FMOD: variants seen among roughly 807,000 people sequenced by gnomAD.
The protein encoded by FMOD is fibromodulin, also known as KSPG fibromodulin.
FMOD carries 15 observed loss-of-function variants against 27.0 expected under a neutral mutation model. That is an observed-to-expected ratio of 0.55 (90% CI 0.37 to 0.85). The LOEUF is 0.85. FMOD is among the 40% of genes least tolerant of loss of function. The pLI, the probability that FMOD is intolerant of heterozygous loss-of-function variation, is 0.00. For synonymous variants in FMOD, 210 were observed against 214.0 expected (o/e 0.98, Z 0.16); for missense variants, 460 against 483.2 (o/e 0.95, Z 0.45).
At position 203,347,604 on chromosome 1, in the gene FMOD, G is replaced by A. The variant is rs763944124; in HGVS notation, c.667C>T (p.Arg223Trp). The A allele has an allele frequency of 9.9e-6, 16 of 1,614,048 alleles. No homozygotes were observed. Among genetic ancestry groups the A allele is most frequent in the African/African-American group, 5.3e-5 (4 of 74,916 alleles). The change falls in exon 2 of 3, where the codon CGG becomes TGG. Residue 223 changes from arginine (R) to tryptophan (W), a missense_variant. Arg to Trp is a moderately radical substitution (Grantham distance 101). Transcript: ENST00000354955. Reference protein sequence around the residue: ...QEVGSSMRGLRSLILLDLSYN... With the variant: ...QEVGSSMRGLWSLILLDLSYN... ...CTCAGGTCCAGCAAGATCAGTGACCGGAGGCCCCTCATGGAACTGCCCACT... is the reference window on the plus strand; with the variant it reads ...CTCAGGTCCAGCAAGATCAGTGACCAGAGGCCCCTCATGGAACTGCCCACT...
intron 2 of FMOD, among the ~76,000 whole-genome samples, chr1:203,344,818 T>A (rs1658858752): frequency 6.6e-6 from 1 of 152,196 alleles, no homozygotes; most frequent in Non-Finnish European, 1.5e-5. Context: ...GCTAGTGGTC[T>A]GCATCAGAGA....
chr1:203,348,084 A>G lies in FMOD; in HGVS notation c.187T>C (p.Tyr63His). 5.0e-6 allele frequency: 8 copies of G among 1,614,088 alleles called. No homozygotes were observed. The highest frequency in any genetic ancestry group is 5.9e-6 in the Non-Finnish European group (7 of 1,179,988). ...GGAGGGGATGGAGAGCCGTAGGTGT[A>G]GGCTGGCCCTTCATCCACCCCATAG... ...YPYGVDEGPA[Y>H]TYGSPSPPDP... The change falls in exon 2 of 3, where the codon TAC (tyrosine) becomes CAC (histidine). Residue 63 changes from tyrosine to histidine, a missense_variant. Physicochemically the swap from Tyr to His is moderately conservative, Grantham distance 83. Transcript: ENST00000354955.
At chr1:203,342,956 T>C (rs1228836398) in intron 2 of FMOD, among the ~76,000 whole-genome samples, 1 of 152,098 alleles carries the variant, frequency 6.6e-6, no homozygotes, top group Non-Finnish European at 1.5e-5. Context: ...GACTTAATAC[T>C]TTACAGATAG....
At position 203,347,810 on chromosome 1, in the gene FMOD, A is replaced by C. The variant is rs766605045; in HGVS notation, c.461T>G (p.Leu154Arg). 7.4e-6 allele frequency: 12 copies of C among 1,613,800 alleles called. No homozygotes were observed. The Admixed American group carries it at 1.7e-4, about 22-fold the overall frequency. ...DKVGRKVFSKLRHLERLYLDH... is the reference protein window; with the variant it reads ...DKVGRKVFSKRRHLERLYLDH... ...CAGGTACAGCCTCTCCAGGTGCCTC[A>C]GCTTGGAGAAGACCTTCCTGCCCAC... Residue 154 changes from leucine (L) to arginine (R), a missense_variant, in exon 2 of 3, where the codon CTG (leucine) becomes CGG (arginine). Transcript: ENST00000354955.
chr1:203,342,562 A>G (rs1658814325), intron 2 of FMOD, 68 bp from the exon 3 acceptor site: 12 of 1,515,536 alleles, frequency 7.9e-6, no homozygotes, highest in Admixed American at 3.7e-5. Flanking sequence ...CCACAGTGAG[A>G]TTAGCCTTTG....
At chr1:203,349,602 A>C (rs937996983) in intron 1 of FMOD, among the ~76,000 whole-genome samples, 9 of 152,050 alleles carry the variant, frequency 5.9e-5, no homozygotes, top group African/African-American at 1.7e-4. Context: ...AAACCTTAGA[A>C]TCTTTCTTGG....
rs775467919 is a variant in FMOD at position 203,347,722 on chromosome 1, G to C, written c.549C>G (p.Leu183=). The C allele has an allele frequency of 1.2e-6, 2 of 1,613,844 alleles. No individual in the cohort carries two copies. Among genetic ancestry groups the C allele is most frequent in the Admixed American group, 1.7e-5 (1 of 59,994 alleles). ...PLPRSLRELH[L]DHNQISRVPN... The stretch of plus-strand genomic sequence containing the variant: ...GGACCCGTGAGATCTGGTTGTGGTC[G>C]AGATGGAGCTCTCTCAGGGATCGAG... The change falls in exon 2 of 3, where the codon CTC becomes CTG. Residue 183 remains leucine (L), a synonymous_variant. Transcript: ENST00000354955.
At chr1:203,348,414 T>C (rs1180606686) in intron 1 of FMOD, 137 bp from the exon 2 acceptor site, 4 of 903,164 alleles carry the variant, frequency 4.4e-6, no homozygotes, top group Non-Finnish European at 6.6e-6. Context: ...GCAGGAGCCT[T>C]GCTCTCATTT....
rs777062182 is a variant in FMOD at position 203,348,121 on chromosome 1, G to T, written c.150C>A (p.Tyr50Ter). The change falls in exon 2 of 3, where the codon TAC (tyrosine) becomes TAA (stop). Residue 50 changes from tyrosine (Y) to a stop codon, truncating the protein, a stop_gained. Coordinates refer to ENST00000354955, the MANE Select transcript of FMOD (RefSeq NM_002023.5). LOFTEE classifies it high-confidence loss of function. ...DPYDPYPYET[Y>*]EPYPYGVDEG... ...CATCCACCCCATAGGGGTAAGGCTC[G>T]TAGGTCTCATACGGGTAAGGGTCAT... 6.2e-7 allele frequency: 1 copy of T among 1,614,192 alleles called. No individual in the cohort carries two copies. The highest frequency in any genetic ancestry group is 1.1e-5 in the South Asian group (1 of 91,088).
At chr1:203,344,448 C>G (rs1033904191) in intron 2 of FMOD, among the ~76,000 whole-genome samples, 7 of 152,182 alleles carry the variant, frequency 4.6e-5, no homozygotes, top group African/African-American at 7.2e-5. Context: ...CGTGGAGGCA[C>G]TGGAGGACAT....
intron 2 of FMOD, among the ~76,000 whole-genome samples, chr1:203,346,619 G>A (rs951613743): frequency 6.6e-6 from 1 of 151,996 alleles, no homozygotes; most frequent in African/African-American, 2.4e-5. Context: ...CCACCAGGGG[G>A]TCCTTGTACT....
At position 203,348,195 on chromosome 1, in the gene FMOD, A is replaced by G; in HGVS notation, c.76T>C (p.Trp26Arg). 1 of 1,614,154 alleles carries G rather than the reference A, an allele frequency of 6.2e-7. No homozygotes were observed. The highest frequency in any genetic ancestry group is 8.5e-7 in the Non-Finnish European group (1 of 1,180,008). The change falls in exon 2 of 3, where the codon TGG becomes CGG. Residue 26 changes from tryptophan to arginine, a missense_variant. Transcript: ENST00000354955. ...TGGCTGCGGAGGTAGTGGAACCACC[A>G]ATGAGGGTCATCTTCATACTGGGCC... ...SQAQYEDDPH[W>R]WFHYLRSQQS...
chr1:203,350,466 G>T (rs75675978), intron 1 of FMOD, among the ~76,000 whole-genome samples: 1 of 152,012 alleles, frequency 6.6e-6, no homozygotes, highest in Non-Finnish European at 1.5e-5. Flanking sequence ...AGTGGAGAAG[G>T]TCAAGCCAGA....
intron 1 of FMOD, among the ~76,000 whole-genome samples, chr1:203,349,012 T>A (rs199730847): frequency 6.6e-6 from 1 of 152,222 alleles, no homozygotes; most frequent in East Asian, 1.9e-4. Flanking sequence ...GACAGGGTCT[T>A]CATGCAGCAG....
intron 1 of FMOD, 72 bp from the exon 2 acceptor site, chr1:203,348,349 G>A: frequency 1.3e-6 from 2 of 1,494,336 alleles, no homozygotes; most frequent in Non-Finnish European, 1.8e-6. Flanking sequence ...GGCAGAGTAG[G>A]CAAGCCTTAG....
intron 2 of FMOD, among the ~76,000 whole-genome samples, chr1:203,343,112 C>G (rs906670907): frequency 2.0e-5 from 3 of 152,176 alleles, no homozygotes; most frequent in African/African-American, 7.2e-5. Flanking sequence ...AAGCTGGGGA[C>G]TCATAGAGCA....
rs1300239308 is a variant in FMOD, at chr1:203,347,665, G to A, written c.606C>T (p.Leu202=). The A allele has an allele frequency of 6.2e-7, 1 of 1,614,054 alleles. No individual in the cohort carries two copies. Among genetic ancestry groups the A allele is most frequent in the African/African-American group, 1.3e-5 (1 of 74,918 alleles). ...PNNALEGLEN[L]TALYLQHNEI... is the part of the protein sequence containing the mutation. ...CATTGTGTTGGAGGTACAAGGCCGT[G>A]AGGTTCTCCAGCCCCTCCAGAGCAT... Residue 202 remains leucine (L), a synonymous_variant, in exon 2 of 3, where the codon CTC becomes CTT. Coordinates refer to ENST00000354955, the MANE Select transcript of FMOD (RefSeq NM_002023.5).
At position 203,348,082 on chromosome 1, in the gene FMOD, G is replaced by A. The variant is rs1285301718; in HGVS notation, c.189C>T (p.Tyr63=). Residue 63 remains tyrosine, a synonymous_variant, in exon 2 of 3, where the codon TAC becomes TAT. Coordinates refer to ENST00000354955, the MANE Select transcript of FMOD (RefSeq NM_002023.5). ...YPYGVDEGPA[Y]TYGSPSPPDP... is the part of the protein sequence containing the mutation. ...CTGGAGGGGATGGAGAGCCGTAGGT[G>A]TAGGCTGGCCCTTCATCCACCCCAT... is the stretch of plus-strand genomic sequence containing the variant. The A allele has an allele frequency of 3.1e-6, 5 of 1,613,998 alleles. No homozygotes were observed. Among genetic ancestry groups the A allele is most frequent in the East Asian group, 4.5e-5 (2 of 44,894 alleles).
At position 203,347,659 on chromosome 1, in the gene FMOD, G is replaced by A. The variant is rs1435437119; in HGVS notation, c.612C>T (p.Ala204=). The change falls in exon 2 of 3, where the codon GCC becomes GCT. Residue 204 remains alanine, a synonymous_variant. Transcript: ENST00000354955. ...GGATCTCATTGTGTTGGAGGTACAAGGCCGTGAGGTTCTCCAGCCCCTCCA... is the reference window on the plus strand; with the variant it reads ...GGATCTCATTGTGTTGGAGGTACAAAGCCGTGAGGTTCTCCAGCCCCTCCA... ...NALEGLENLT[A]LYLQHNEIQE... 2 of 1,614,184 alleles carry A rather than the reference G, an allele frequency of 1.2e-6. No homozygotes were observed. Among genetic ancestry groups the A allele is most frequent in the Non-Finnish European group, 1.7e-6 (2 of 1,180,024 alleles).
Sources: gnomAD v4.1 joint callset for allele counts (sites outside exome capture counted in the v4.1 genomes callset) on GRCh38, gnomAD v4.1.1 for gene constraint, MANE v1.5 for transcripts, NCBI Gene and HGNC (gene_info 2026-07-23, HGNC 2026-07-21) for gene names.